Variants in HOMER2 observed in about 807,000 individuals in gnomAD.
HOMER2 encodes the protein homer scaffold protein 2, also known as homer protein homolog 2.
Under a neutral mutation model 47.0 loss-of-function variants are expected in HOMER2, and 27 were observed. The ratio of observed to expected loss-of-function variants is 0.57; its 90% CI spans 0.42 to 0.79. The LOEUF is 0.79. HOMER2 is among the 30% of genes least tolerant of loss of function. The pLI is 0.00. For missense variants in HOMER2, 443 were observed against 435.0 expected (o/e 1.02, Z -0.16); for synonymous variants, 161 against 163.8 (o/e 0.98, Z 0.13).
Position 82,928,940 on chromosome 15 carries a change from TAA to T in HOMER2, c.5+23589_5+23590del. Among the ~76,000 whole-genome samples the T allele has an allele frequency of 1.4e-3, 56 of 39,916 alleles. 8 individuals are homozygous for T. The highest frequency in any genetic ancestry group is 6.9e-3 in the African/African-American group (45 of 6,480). 26.2% of individuals were successfully genotyped at this position (39,916 alleles called of 152,430 possible). A position where few individuals can be genotyped will look rare whatever the true frequency, so the allele number is the denominator to read the frequency against. ...TAACAACTGGCAAAAAAATAAAAAC[TAA>T]AAAAAAAAAAAAAAAAAAGCTGTCA... On this transcript the variant is annotated intron_variant, in intron 1 of 8. Transcript: ENST00000450735.
At chr15:82,901,018 A>C (rs1309500370) in intron 1 of HOMER2, among the ~76,000 whole-genome samples, 1 of 152,142 alleles carries the variant, frequency 6.6e-6, no homozygotes, top group Non-Finnish European at 1.5e-5. Context: ...TAATGACACT[A>C]CCTTATTTCC....
At position 82,899,775 on chromosome 15, in the gene HOMER2, C is replaced by A. The variant is rs573773932; in HGVS notation, c.6-6934G>T. Among the ~76,000 whole-genome samples the A allele has an allele frequency of 2.0e-5, 3 of 152,272 alleles. No individual in the cohort carries two copies. In the East Asian group the frequency reaches 5.8e-4, roughly 29 times the overall value. ...AGGTGTTTCATGCCTGTAATCCCAGCACTTTAAGAGGCCAAGGTGGGCGGA... is the reference window on the plus strand; with the variant it reads ...AGGTGTTTCATGCCTGTAATCCCAGAACTTTAAGAGGCCAAGGTGGGCGGA... On this transcript the variant is annotated intron_variant, in intron 1 of 8. Coordinates refer to ENST00000450735, the MANE Select transcript of HOMER2 (RefSeq NM_004839.4).
intron 1 of HOMER2, among the ~76,000 whole-genome samples, chr15:82,916,711 A>G (rs1218867152): frequency 6.6e-6 from 1 of 152,176 alleles, no homozygotes; most frequent in Non-Finnish European, 1.5e-5. Flanking sequence ...AAGATGACAC[A>G]AGCTGGATGG....
intron 1 of HOMER2, among the ~76,000 whole-genome samples, chr15:82,964,373 T>G (rs1253799024): frequency 6.6e-6 from 1 of 152,238 alleles, no homozygotes; most frequent in East Asian, 1.9e-4. Flanking sequence ...GAATGCCATT[T>G]GGCTAGAGAG....
At chr15:82,910,286 C>T (rs1200072531) in intron 1 of HOMER2, among the ~76,000 whole-genome samples, 2 of 151,988 alleles carry the variant, frequency 1.3e-5, no homozygotes, top group Non-Finnish European at 2.9e-5. Context: ...GTGGTTGACT[C>T]GTGGGTTGGT....
intron 1 of HOMER2, among the ~76,000 whole-genome samples, chr15:82,927,923 T>C (rs545857671): frequency 6.6e-6 from 1 of 151,062 alleles, no homozygotes; most frequent in Non-Finnish European, 1.5e-5. Context: ...TGAGCTGAGA[T>C]TGTGCCATTG....
chr15:82,836,290 C>T (rs923116629), downstream of HOMER2, among the ~76,000 whole-genome samples: 2 of 152,356 alleles, frequency 1.3e-5, no homozygotes, highest in East Asian at 1.9e-4. Context: ...GCTCTCCAGT[C>T]GGCCTCCAAA....
chr15:82,975,628 A>G (rs1045983990), intron 1 of HOMER2, among the ~76,000 whole-genome samples: 3 of 152,266 alleles, frequency 2.0e-5, no homozygotes, highest in Non-Finnish European at 2.9e-5. Flanking sequence ...CAAACATTGC[A>G]TGTTCTCACT....
intron 1 of HOMER2, among the ~76,000 whole-genome samples, chr15:82,917,733 T>C (rs1241919650): frequency 2.0e-5 from 3 of 152,226 alleles, no homozygotes; most frequent in Non-Finnish European, 4.4e-5. Context: ...GGAAACAGTG[T>C]GCCTCCCACC....
chr15:82,871,845 G>A (rs1011774050), intron 3 of HOMER2, among the ~76,000 whole-genome samples: 11 of 152,196 alleles, frequency 7.2e-5, no homozygotes, highest in Admixed American at 3.9e-4. Flanking sequence ...TCTGGTTTTC[G>A]TGGGGAGTTC....
intron 1 of HOMER2, among the ~76,000 whole-genome samples, chr15:82,972,441 T>A (rs1193334539): frequency 1.3e-5 from 2 of 152,054 alleles, no homozygotes; most frequent in Non-Finnish European, 2.9e-5. Flanking sequence ...CGAGTGGAAA[T>A]AAATAGAAAA....
chr15:82,875,338 A>G lies in HOMER2; in HGVS notation c.229T>C (p.Trp77Arg). 1 of 1,613,984 alleles carries G rather than the reference A, an allele frequency of 6.2e-7. No homozygotes were observed. The change falls in exon 3 of 9, where the codon TGG (tryptophan) becomes CGG (arginine). Residue 77 changes from tryptophan to arginine, a missense_variant. Trp to Arg is a moderately radical substitution (Grantham distance 101). Transcript: ENST00000450735. The part of the protein sequence containing the change: ...FTKTSQKFGQ[W>R]ADSRANTVFG... ...ACTGTGTTGGCTCTGCTGTCGGCCCACTGCCCAAACTTCTGTGACGTTTTG... is the reference window on the plus strand; with the variant it reads ...ACTGTGTTGGCTCTGCTGTCGGCCCGCTGCCCAAACTTCTGTGACGTTTTG...
At chr15:82,937,750 G>A (rs922043271) in intron 1 of HOMER2, among the ~76,000 whole-genome samples, 2 of 152,170 alleles carry the variant, frequency 1.3e-5, no homozygotes, top group Non-Finnish European at 2.9e-5. Context: ...CCTCCCACAT[G>A]GTGTGCCCAG....
chr15:82,906,433 C>CTT (rs1185595370), intron 1 of HOMER2, among the ~76,000 whole-genome samples: 12 of 141,064 alleles, frequency 8.5e-5, no homozygotes, highest in Non-Finnish European at 1.4e-4. Flanking sequence ...AAGAAATCCA[C>CTT]TTTTTTTTTT....
At chr15:82,859,537 A>G (rs2051703737) in intron 4 of HOMER2, among the ~76,000 whole-genome samples, 1 of 152,184 alleles carries the variant, frequency 6.6e-6, no homozygotes, top group South Asian at 2.1e-4. Context: ...AGAAGCCACA[A>G]GGGAGGAGGG....
intron 4 of HOMER2, among the ~76,000 whole-genome samples, chr15:82,860,956 T>TAGAAGATGAGAGAGAGAGAGAGAGA (rs1555420265): frequency 2.4e-5 from 1 of 42,386 alleles, no homozygotes; most frequent in Admixed American, 2.5e-4. Flanking sequence ...AGATAGAAGA[T>TAGAAGATGAGAGAGAGAGAGAGAGA]GAGAGAGAGA....
chr15:82,939,534 G>A (rs182555951), intron 1 of HOMER2, among the ~76,000 whole-genome samples: 47 of 152,268 alleles, frequency 3.1e-4, no homozygotes, highest in African/African-American at 9.1e-4. Context: ...GCCAGGTGTC[G>A]TGGTGCAAAC....
chr15:82,916,549 G>A (rs1420118194), intron 1 of HOMER2, among the ~76,000 whole-genome samples: 1 of 152,180 alleles, frequency 6.6e-6, no homozygotes, highest in Non-Finnish European at 1.5e-5. Context: ...ATCCAGGCAA[G>A]AGAGAGGCCA....
intron 6 of HOMER2, among the ~76,000 whole-genome samples, chr15:82,853,759 C>T (rs1833319446): frequency 6.6e-6 from 1 of 152,154 alleles, no homozygotes; most frequent in Non-Finnish European, 1.5e-5. Flanking sequence ...GGGAAGGTTA[C>T]AGGTGCATTT....
Sources: allele counts gnomAD v4.1 joint callset (sites outside exome capture counted in the v4.1 genomes callset), GRCh38; gene constraint gnomAD v4.1.1; transcripts MANE v1.5; gene names NCBI Gene and HGNC (gene_info 2026-07-23, HGNC 2026-07-21).